The following SHH variants were observed in gnomAD, a reference collection of about 807,000 sequenced individuals.
SHH encodes sonic hedgehog signaling molecule.
Under a neutral mutation model 16.6 loss-of-function variants are expected in SHH, and 3 were observed. The ratio of observed to expected loss-of-function variants is 0.18; its 90% CI spans 0.08 to 0.47. The LOEUF (loss-of-function observed/expected upper bound fraction) is 0.47, where lower values mean the gene tolerates loss of function less well. Among genes scored for constraint, SHH ranks in the 20% least tolerant of loss-of-function variants. The pLI, the probability that SHH is intolerant of heterozygous loss-of-function variation, is 0.98. For synonymous variants in SHH, 351 were observed against 316.2 expected (o/e 1.11, Z -1.17); for missense variants, 499 against 665.0 (o/e 0.75, Z 2.75).
chr7:155,801,044 T>C lies in SHH; in HGVS notation c.*1856A>G. ...AAAGAACTGGGAGTAGTCCTCCACC[T>C]GGGACCCTGACAACCGCCAAGGGCA... On this transcript the variant is annotated 3_prime_UTR_variant, in exon 3 of 3. Transcript: ENST00000297261. The C allele has an allele frequency of 5.9e-6, 1 of 170,042 alleles. No homozygotes were observed. Among genetic ancestry groups the C allele is most frequent in the Non-Finnish European group, 1.3e-5 (1 of 78,558 alleles). 10.5% of individuals were successfully genotyped at this position (170,042 alleles called of 1,614,324 possible).
intron 1 of SHH, 30 bp downstream of exon 1, chr7:155,811,793 A>C (rs1205743655): frequency 6.2e-7 from 1 of 1,609,406 alleles, no homozygotes; most frequent in Non-Finnish European, 8.5e-7. Flanking sequence ...GGAAAGCCAC[A>C]CATTCCACGC....
rs2117140377 is a variant in SHH at position 155,807,233 on chromosome 7, A to G, written c.301-676T>C. On this transcript the variant is annotated intron_variant, in intron 1 of 2. Transcript: ENST00000297261. The surrounding 1 kb of genome is among the most constrained non-coding windows in gnomAD (Gnocchi z 7.1). The stretch of plus-strand genomic sequence containing the variant: ...GGCGGCTAGGTGAGTTGCCACTTGC[A>G]GCACAGGCCGGGGCCGGGACAGACA... The G allele has an allele frequency of 6.3e-6, 1 of 158,528 alleles. No homozygotes were observed. The highest frequency in any genetic ancestry group is 1.9e-4 in the East Asian group (1 of 5,338). 9.8% of individuals were successfully genotyped at this position (158,528 alleles called of 1,614,324 possible). A position where few individuals can be genotyped will look rare whatever the true frequency, so the allele number is the denominator to read the frequency against.
intron 1 of SHH, chr7:155,806,774 G>T: frequency 1.5e-6 from 1 of 679,354 alleles, no homozygotes; most frequent in Non-Finnish European, 2.7e-6. Flanking sequence ...GGAGGAGCAC[G>T]TCCTCTCAGG....
intron 1 of SHH, 32 bp from the exon 2 acceptor site, chr7:155,806,589 C>A: frequency 1.2e-6 from 2 of 1,610,566 alleles, no homozygotes; most frequent in Non-Finnish European, 1.7e-6. Flanking sequence ...CACCGACGGA[C>A]ACGTTAGCCT....
In SHH at chr7:155,809,799, T is replaced by G. The variant is rs1309276235; in HGVS notation, c.300+2024A>C. ...CGAGAGTGGCCGGGCGCGGGGCCGC[T>G]GGGCCCTGCGTCCCCCGGCAGGGCG... On this transcript the variant is annotated intron_variant, in intron 1 of 2. Transcript: ENST00000297261. This position sits in a 1 kb window ranked among gnomAD's most constrained non-coding sequence, Gnocchi z 6.1. Among the ~76,000 whole-genome samples, 1 of 151,746 alleles carries G rather than the reference T, an allele frequency of 6.6e-6. No individual in the cohort carries two copies. Among genetic ancestry groups the G allele is most frequent in the Non-Finnish European group, 1.5e-5 (1 of 67,888 alleles).
In SHH at chr7:155,802,797, ACT is replaced by A; in HGVS notation, c.*101_*102del. 1.5e-6 allele frequency: 1 copy of A among 666,572 alleles called. No homozygotes were observed. The highest frequency in any genetic ancestry group is 2.2e-6 in the Non-Finnish European group (1 of 444,742). 41.3% of individuals were successfully genotyped at this position (666,572 alleles called of 1,614,324 possible). On this transcript the variant is annotated 3_prime_UTR_variant, in exon 3 of 3. Transcript: ENST00000297261. ...CTTTATTATTCTTATTCTTATTATA[ACT>A]CAGTCTGGTTCGTGCGCCTTTTCCG...
chr7:155,810,324 C>T (rs1200933251), intron 1 of SHH, among the ~76,000 whole-genome samples: 1 of 152,228 alleles, frequency 6.6e-6, no homozygotes, highest in Non-Finnish European at 1.5e-5. Flanking sequence ...TCCACGCCCC[C>T]GCCGCTCTCT....
In SHH at chr7:155,800,681, G is replaced by T. The variant is rs1473632318; in HGVS notation, c.*2219C>A. ...CCTGCTGACCACCTAGAACACCAAAGAAAAGTCTTTTACAGAAAAAGGCTG... is the reference window on the plus strand; with the variant it reads ...CCTGCTGACCACCTAGAACACCAAATAAAAGTCTTTTACAGAAAAAGGCTG... On this transcript the variant is annotated 3_prime_UTR_variant, in exon 3 of 3. Transcript: ENST00000297261. The T allele has an allele frequency of 6.4e-6, 3 of 469,180 alleles. No homozygotes were observed. In the East Asian group the frequency reaches 2.1e-4, roughly 33 times the overall value. 29.1% of individuals were successfully genotyped at this position (469,180 alleles called of 1,614,324 possible). A position where few individuals can be genotyped will look rare whatever the true frequency, so the allele number is the denominator to read the frequency against.
At position 155,800,616 on chromosome 7, in the gene SHH, C is replaced by T. The variant is rs937384114; in HGVS notation, c.*2284G>A. The stretch of plus-strand genomic sequence containing the variant: ...GACTGAACTGTCAAAAGAACAGAAA[C>T]CATCGCACTTCCTCCGAGATTGTAA... On this transcript the variant is annotated 3_prime_UTR_variant, in exon 3 of 3. Coordinates refer to ENST00000297261, the MANE Select transcript of SHH (RefSeq NM_000193.4). The T allele has an allele frequency of 2.1e-6, 1 of 470,758 alleles. No homozygotes were observed. The highest frequency in any genetic ancestry group is 2.0e-5 in the African/African-American group (1 of 50,098). 29.2% of individuals were successfully genotyped at this position (470,758 alleles called of 1,614,324 possible).
chr7:155,811,733 A>T (rs1803527412), intron 1 of SHH, 90 bp downstream of exon 1: 3 of 1,312,590 alleles, frequency 2.3e-6, no homozygotes, highest in Admixed American at 1.7e-5. Flanking sequence ...TATCTGCCCG[A>T]AGAGCAAACA....
intron 2 of SHH, among the ~76,000 whole-genome samples, chr7:155,804,264 C>T (rs1263290960): frequency 6.7e-6 from 1 of 149,580 alleles, no homozygotes; most frequent in Non-Finnish European, 1.5e-5. Flanking sequence ...CCGCAGCACC[C>T]TGCCGCGCCT....
At chr7:155,806,675 G>C in intron 1 of SHH, 118 bp from the exon 2 acceptor site, 1 of 1,314,766 alleles carries the variant, frequency 7.6e-7, no homozygotes, top group Non-Finnish European at 1.1e-6. Context: ...CATGCGGAGA[G>C]GTGGGGAGAC....
intron 2 of SHH, among the ~76,000 whole-genome samples, chr7:155,803,960 C>T (rs1164058242): frequency 6.6e-6 from 1 of 152,188 alleles, no homozygotes; most frequent in Non-Finnish European, 1.5e-5. Flanking sequence ...TAAGTCTGGG[C>T]TGGCGGTCAC....
chr7:155,804,496 G>C (rs1488918671), intron 2 of SHH, among the ~76,000 whole-genome samples: 2 of 152,020 alleles, frequency 1.3e-5, no homozygotes, highest in Non-Finnish European at 2.9e-5. Flanking sequence ...TCCCCTCCCT[G>C]TTCTCAGCTC....
chr7:155,805,574 C>A (rs1339937419), intron 2 of SHH, among the ~76,000 whole-genome samples: 1 of 152,216 alleles, frequency 6.6e-6, no homozygotes, highest in Non-Finnish European at 1.5e-5. Context: ...CGGAGGTTTG[C>A]GTGCGCGCGA....
Position 155,806,447 on chromosome 7 carries a change from C to T in SHH, c.411G>A (p.Glu137=). ...CTGCGCGGCCCTCGTAGTGCAGAGACTCCTCTGAGTGGTGGCCATCTTCGT... is the reference window on the plus strand; with the variant it reads ...CTGCGCGGCCCTCGTAGTGCAGAGATTCCTCTGAGTGGTGGCCATCTTCGT... ...GWDEDGHHSE[E]SLHYEGRAVD... Residue 137 remains glutamate, a synonymous_variant, in exon 2 of 3, where the codon GAG becomes GAA. Coordinates refer to ENST00000297261, the MANE Select transcript of SHH (RefSeq NM_000193.4). 6.2e-7 allele frequency: 1 copy of T among 1,613,892 alleles called. No homozygotes were observed. Among genetic ancestry groups the T allele is most frequent in the Non-Finnish European group, 8.5e-7 (1 of 1,180,044 alleles).
Position 155,809,874 on chromosome 7 carries a change from G to C in SHH, c.300+1949C>G, listed in dbSNP as rs1332643005. On this transcript the variant is annotated intron_variant, in intron 1 of 2. Transcript: ENST00000297261. This position sits in a 1 kb window ranked among gnomAD's most constrained non-coding sequence, Gnocchi z 6.1. ...GGGCTGGGGGCTCCGGCTGGGACGC[G>C]GAGGCCTAGAGGCCAGGCAGGCGGC... 6.6e-6 allele frequency among the ~76,000 whole-genome samples: 1 copy of C among 151,512 alleles called. No homozygotes were observed. Among genetic ancestry groups the C allele is most frequent in the Admixed American group, 6.6e-5 (1 of 15,218 alleles).
intron 2 of SHH, among the ~76,000 whole-genome samples, chr7:155,804,008 CTCTT>C (rs1318657500): frequency 6.6e-6 from 1 of 152,352 alleles, no homozygotes; most frequent in African/African-American, 2.4e-5. Flanking sequence ...GCCGGTGACA[CTCTT>C]TCCTTCCGCC....
rs1184202316 is a variant in SHH at position 155,809,838 on chromosome 7, G to T, written c.300+1985C>A. Among the ~76,000 whole-genome samples, 1 of 151,708 alleles carries T rather than the reference G, an allele frequency of 6.6e-6. No individual in the cohort carries two copies. Among genetic ancestry groups the T allele is most frequent in the Non-Finnish European group, 1.5e-5 (1 of 67,880 alleles). On this transcript the variant is annotated intron_variant, in intron 1 of 2. Coordinates refer to ENST00000297261, the MANE Select transcript of SHH (RefSeq NM_000193.4). The surrounding 1 kb of genome is among the most constrained non-coding windows in gnomAD (Gnocchi z 6.1). The stretch of plus-strand genomic sequence containing the variant: ...CCCGGCAGGGCGGACGGGGGTCGGG[G>T]GGAGGCCCCCGGGCTGGGGGCTCCG...
Sources: gnomAD v4.1 joint callset for allele counts (sites outside exome capture counted in the v4.1 genomes callset) on GRCh38, gnomAD v4.1.1 for gene constraint, Gnocchi (gnomAD v3.1) non-coding constraint, MANE v1.5 for transcripts, NCBI Gene and HGNC (gene_info 2026-07-23, HGNC 2026-07-21) for gene names.